Variants in ENTPD1 observed in about 807,000 individuals in gnomAD.
The protein encoded by ENTPD1 is ectonucleoside triphosphate diphosphohydrolase 1, also known as ATP diphosphohydrolase.
A neutral mutation model predicts 57.0 loss-of-function variants in ENTPD1; 33 were observed. That is an observed-to-expected ratio of 0.58 (90% CI 0.44 to 0.77). ENTPD1 has a LOEUF of 0.77. Among genes scored for constraint, ENTPD1 ranks in the 30% least tolerant of loss-of-function variants. The probability of loss-of-function intolerance (pLI) is 0.00; values close to 1 mark genes in which losing one functional copy is unlikely to be tolerated. For missense variants in ENTPD1, 501 were observed against 603.4 expected (o/e 0.83, Z 1.78); for synonymous variants, 202 against 218.8 (o/e 0.92, Z 0.68).
rs2098479072 is a variant in ENTPD1 at position 95,870,341 on chromosome 10, G to A, written c.*3958G>A. The A allele has an allele frequency of 1.0e-6, 1 of 959,994 alleles. No homozygotes were observed. Among genetic ancestry groups the A allele is most frequent in the South Asian group, 4.8e-5 (1 of 20,748 alleles). 59.5% of individuals were successfully genotyped at this position (959,994 alleles called of 1,614,324 possible). ...GCTCTGTTGCCCAGGCTGGAATGCAGTGGCATGATCATGGCTCACTGCAGC... is the reference window on the plus strand; with the variant it reads ...GCTCTGTTGCCCAGGCTGGAATGCAATGGCATGATCATGGCTCACTGCAGC... On this transcript the variant is annotated 3_prime_UTR_variant, in exon 10 of 10. Coordinates refer to ENST00000371205, the MANE Select transcript of ENTPD1 (RefSeq NM_001776.6).
chr10:95,778,374 T>C (rs1290375500), intron 1 of ENTPD1, among the ~76,000 whole-genome samples: 1 of 152,200 alleles, frequency 6.6e-6, no homozygotes, highest in Admixed American at 6.5e-5. Context: ...TGGTTTGTAG[T>C]TGAGGAAGTG....
At chr10:95,753,781 A>C (rs974206265), upstream of ENTPD1, 1 of 152,246 alleles carries the variant, frequency 6.6e-6, no homozygotes, top group African/African-American at 2.4e-5. Flanking sequence ...GGATCACTTG[A>C]GGCCAGGAGT....
rs2098474392 is a variant in ENTPD1, at chr10:95,866,276, A to G, written c.1426A>G (p.Thr476Ala). 1.9e-6 allele frequency: 3 copies of G among 1,613,716 alleles called. No homozygotes were observed. The highest frequency in any genetic ancestry group is 1.7e-6 in the Non-Finnish European group (2 of 1,179,960). The change falls in exon 10 of 10, where the codon ACC becomes GCC. Residue 476 changes from threonine to alanine, a missense_variant. By Grantham distance (58) the Thr-to-Ala change is moderately conservative (BLOSUM62 0). Coordinates refer to ENST00000371205, the MANE Select transcript of ENTPD1 (RefSeq NM_001776.6). The stretch of plus-strand genomic sequence containing the variant: ...ATTGTCCACACCTCTCTCCCACTCC[A>G]CCTATGTCTTCCTCATGGTTCTATT... The part of the protein sequence containing the change: ...QPLSTPLSHS[T>A]YVFLMVLFSL...
the ENTPD1 span, among the ~76,000 whole-genome samples, chr10:95,697,806 G>C: frequency 1.2e-4 from 18 of 152,264 alleles, no homozygotes; most frequent in South Asian, 3.7e-3. Context: ...TCCTGTTTCA[G>C]GCATTCTGTT....
chr10:95,746,293 CT>C (rs2098005976), intron 1 of ENTPD1, among the ~76,000 whole-genome samples: 3 of 152,194 alleles, frequency 2.0e-5, no homozygotes, highest in Admixed American at 2.0e-4. Flanking sequence ...CATATTTATT[CT>C]CTTTTTTACC....
At chr10:95,737,471 G>C (rs559129573) in intron 1 of ENTPD1, among the ~76,000 whole-genome samples, 1 of 151,498 alleles carries the variant, frequency 6.6e-6, no homozygotes, top group Admixed American at 6.6e-5. Context: ...TGCAAACTCT[G>C]CTTCCTGGGT....
chr10:95,766,997 A>T (rs550116866), intron 1 of ENTPD1, among the ~76,000 whole-genome samples: 1 of 151,764 alleles, frequency 6.6e-6, no homozygotes, highest in African/African-American at 2.4e-5. Flanking sequence ...CTCCTGCCTC[A>T]GCCTTCTGAG....
intron 1 of ENTPD1, among the ~76,000 whole-genome samples, chr10:95,724,319 G>T (rs1183434380): frequency 1.3e-5 from 2 of 152,140 alleles, no homozygotes; most frequent in African/African-American, 4.8e-5. Context: ...AAGTGAAAGT[G>T]GTCCAATATT....
chr10:95,799,503 C>G (rs1008327108), intron 1 of ENTPD1, among the ~76,000 whole-genome samples: 1 of 152,146 alleles, frequency 6.6e-6, no homozygotes, highest in Admixed American at 6.5e-5. Context: ...GTATAGTATT[C>G]TGTGGTGTAT....
chr10:95,750,858 A>G (rs1053331431), upstream of ENTPD1, among the ~76,000 whole-genome samples: 8 of 152,132 alleles, frequency 5.3e-5, no homozygotes, highest in African/African-American at 1.9e-4. Flanking sequence ...CCCCATCTCC[A>G]CTAAAAATAC....
chr10:95,771,429 A>G (rs967575723), intron 1 of ENTPD1, among the ~76,000 whole-genome samples: 1 of 152,208 alleles, frequency 6.6e-6, no homozygotes, highest in East Asian at 1.9e-4. Flanking sequence ...TCAGCAGTGT[A>G]TGAGTGATAG....
Position 95,839,882 on chromosome 10 carries a change from C to T in ENTPD1, c.262+74C>T, listed in dbSNP as rs191135166. ...CATGAGAGGTGTATGACCAGTAGAA[C>T]ACAAGAGAAAAAGGAGTCCCACGCA... On this transcript the variant is annotated intron_variant, in intron 3 of 9. Transcript: ENST00000371205. 8 of 1,481,956 alleles carry T rather than the reference C, an allele frequency of 5.4e-6. No individual in the cohort carries two copies. The East Asian group carries it at 1.8e-4, about 34-fold the overall frequency. The allele number at this position is 1,481,956 out of a possible 1,614,324, so 91.8% of individuals were successfully genotyped here.
At chr10:95,695,151 G>A in the ENTPD1 span, among the ~76,000 whole-genome samples, 3 of 151,906 alleles carry the variant, frequency 2.0e-5, no homozygotes, top group Non-Finnish European at 4.4e-5. Context: ...TGACCCTCCC[G>A]CCTTGGCCTC....
At chr10:95,755,063 G>C (rs2098018936), upstream of ENTPD1, 1 of 151,940 alleles carries the variant, frequency 6.6e-6, no homozygotes, top group South Asian at 2.1e-4. Context: ...CAAGAACTAG[G>C]AAACAGGAAA....
chr10:95,863,468 G>A (rs542185855), intron 8 of ENTPD1, among the ~76,000 whole-genome samples: 1 of 152,352 alleles, frequency 6.6e-6, no homozygotes, highest in Admixed American at 6.5e-5. Context: ...AATGCCAACT[G>A]ATGTCCACAC....
intron 1 of ENTPD1, among the ~76,000 whole-genome samples, chr10:95,819,973 A>G (rs2098343384): frequency 6.6e-6 from 1 of 152,252 alleles, no homozygotes; most frequent in Non-Finnish European, 1.5e-5. Flanking sequence ...TGAATTTTCC[A>G]TAATAGAGCT....
At chr10:95,851,960 G>A (rs1216272223) in intron 7 of ENTPD1, among the ~76,000 whole-genome samples, 2 of 152,134 alleles carry the variant, frequency 1.3e-5, no homozygotes, top group Non-Finnish European at 2.9e-5. Flanking sequence ...TGGGATGGCT[G>A]GGTCAAATGG....
At chr10:95,739,054 C>T (rs1007580266) in intron 1 of ENTPD1, among the ~76,000 whole-genome samples, 1 of 152,120 alleles carries the variant, frequency 6.6e-6, no homozygotes, top group African/African-American at 2.4e-5. Context: ...TGTGCAATAG[C>T]ATTATTTGCA....
At chr10:95,744,950 ATT>A (rs1206404064) in intron 1 of ENTPD1, among the ~76,000 whole-genome samples, 1 of 152,110 alleles carries the variant, frequency 6.6e-6, no homozygotes, top group Non-Finnish European at 1.5e-5. Context: ...GTAATCACTC[ATT>A]TATTTATTGT....
Sources: allele counts gnomAD v4.1 joint callset (sites outside exome capture counted in the v4.1 genomes callset), GRCh38; gene constraint gnomAD v4.1.1; transcripts MANE v1.5; gene names NCBI Gene and HGNC (gene_info 2026-07-23, HGNC 2026-07-21).